The following EPHB2 variants were observed in gnomAD, a reference collection of about 807,000 sequenced individuals.
EPHB2 encodes the protein ephrin type-B receptor 2.
EPHB2 carries 18 observed loss-of-function variants against 96.4 expected under a neutral mutation model. That is an observed-to-expected ratio of 0.19 (90% CI 0.13 to 0.28). EPHB2 has a LOEUF of 0.28. Ranked by LOEUF, EPHB2 falls within the 10% of genes least tolerant of loss-of-function variation. The pLI is 1.00. For missense variants in EPHB2, 989 were observed against 1,355.4 expected, an observed-to-expected ratio of 0.73 and a Z score of 4.25; for synonymous variants, 506 against 534.1, an observed-to-expected ratio of 0.95 and a Z score of 0.72.
In EPHB2 at chr1:22,909,113, T is replaced by G; in HGVS notation, c.2444T>G (p.Val815Gly). Reference protein sequence around the residue: ...SASDVWSYGIVMWEVMSYGER... With the variant: ...SASDVWSYGIGMWEVMSYGER... ...AGTGATGTGTGGAGCTACGGCATTG[T>G]CATGTGGGAGGTGATGTCCTATGGG... The change falls in exon 13 of 16, where the codon GTC becomes GGC. Residue 815 changes from valine (V) to glycine (G), a missense_variant. Val to Gly is a moderately radical substitution (Grantham distance 109). Coordinates refer to ENST00000374630, the MANE Select transcript of EPHB2 (RefSeq NM_017449.5). The G allele has an allele frequency of 6.2e-7, 1 of 1,614,172 alleles. No homozygotes were observed. Among genetic ancestry groups the G allele is most frequent in the Non-Finnish European group, 8.5e-7 (1 of 1,180,028 alleles).
chr1:22,918,072 C>T lies in EPHB2; in HGVS notation c.*4502C>T, dbSNP rs1292272190. 1 of 152,246 alleles carries T rather than the reference C, an allele frequency of 6.6e-6. No individual in the cohort carries two copies. The allele number at this position is 152,246 out of a possible 1,614,324, so 9.4% of individuals were successfully genotyped here. On this transcript the variant is annotated 3_prime_UTR_variant, in exon 16 of 16. Transcript: ENST00000374630. The surrounding 1 kb of genome is among the most constrained non-coding windows in gnomAD (Gnocchi z 4.2). ...AGCAGGTTCTTGAGCAGGAGGGTAG[C>T]ATAGTGAGCATCAGGTTCTAGGAAG...
intron 5 of EPHB2, among the ~76,000 whole-genome samples, chr1:22,881,910 T>TA (rs1265567174): frequency 6.6e-6 from 1 of 152,208 alleles, no homozygotes; most frequent in Non-Finnish European, 1.5e-5. Context: ...AAGGTATTTC[T>TA]AAGCATCCTT....
At chr1:22,851,338 C>T (rs1323589845) in intron 3 of EPHB2, among the ~76,000 whole-genome samples, 3 of 152,134 alleles carry the variant, frequency 2.0e-5, no homozygotes, top group Admixed American at 2.0e-4. Flanking sequence ...CTGTTGGAGG[C>T]CTTTGGGCGA....
chr1:22,866,110 A>C (rs933053639), intron 5 of EPHB2, among the ~76,000 whole-genome samples: 25 of 151,818 alleles, frequency 1.6e-4, no homozygotes, highest in African/African-American at 6.1e-4. Context: ...TCATCCCCCC[A>C]CCTGAGGGCC....
chr1:22,788,628 G>GT (rs1254708442), intron 3 of EPHB2, among the ~76,000 whole-genome samples: 1 of 152,180 alleles, frequency 6.6e-6, no homozygotes, highest in African/African-American at 2.4e-5. Flanking sequence ...CACCTGGTTA[G>GT]TTGGTTAAAG....
chr1:22,766,149 G>T (rs1300563955), intron 1 of EPHB2, among the ~76,000 whole-genome samples: 2 of 152,150 alleles, frequency 1.3e-5, no homozygotes, highest in Non-Finnish European at 2.9e-5. Context: ...AGCTTTGAAG[G>T]GAGGCAGCCG....
At chr1:22,754,311 T>C (rs1644110153) in intron 1 of EPHB2, among the ~76,000 whole-genome samples, 1 of 152,228 alleles carries the variant, frequency 6.6e-6, no homozygotes, top group Non-Finnish European at 1.5e-5. Context: ...GTTCTACAAA[T>C]GACTCACTTT....
At chr1:22,754,091 C>T (rs1203414783) in intron 1 of EPHB2, among the ~76,000 whole-genome samples, 1 of 152,180 alleles carries the variant, frequency 6.6e-6, no homozygotes, top group Admixed American at 6.5e-5. Context: ...GTTCTGTGGG[C>T]TCCTTAGGGG....
intron 3 of EPHB2, among the ~76,000 whole-genome samples, chr1:22,825,229 G>C (rs1380751131): frequency 1.3e-5 from 2 of 152,240 alleles, no homozygotes; most frequent in African/African-American, 4.8e-5. Context: ...CAGTTGGATA[G>C]ATGGTCAGAA....
intron 3 of EPHB2, among the ~76,000 whole-genome samples, chr1:22,856,404 C>T (rs1390783593): frequency 6.6e-6 from 1 of 152,182 alleles, no homozygotes; most frequent in Non-Finnish European, 1.5e-5. Flanking sequence ...GGGCTCTGGG[C>T]GATTGCAGAA....
At chr1:22,778,983 C>CA (rs1217792575) in intron 1 of EPHB2, among the ~76,000 whole-genome samples, 1 of 152,218 alleles carries the variant, frequency 6.6e-6, no homozygotes, top group Non-Finnish European at 1.5e-5. Context: ...ATGGGGCCAC[C>CA]TGCTTGGCAG....
chr1:22,822,866 G>A (rs761762100), intron 3 of EPHB2, among the ~76,000 whole-genome samples: 6 of 152,200 alleles, frequency 3.9e-5, no homozygotes, highest in East Asian at 3.8e-4. Flanking sequence ...TAGAGGACCC[G>A]TCCCACAGAG....
chr1:22,738,268 G>T (rs1432931030), intron 1 of EPHB2, among the ~76,000 whole-genome samples: 2 of 152,014 alleles, frequency 1.3e-5, no homozygotes, highest in Non-Finnish European at 2.9e-5. Context: ...TGTATTCCTG[G>T]CTCTGTGCTT....
chr1:22,863,237 G>A, intron 4 of EPHB2, 45 bp downstream of exon 4: 1 of 1,613,414 alleles, frequency 6.2e-7, no homozygotes. Context: ...CCGAGTCCCA[G>A]GTCTACCTGC....
chr1:22,820,296 G>C (rs529078214), intron 3 of EPHB2, among the ~76,000 whole-genome samples: 1 of 152,188 alleles, frequency 6.6e-6, no homozygotes, highest in South Asian at 2.1e-4. Flanking sequence ...AGAGCAACAG[G>C]AGTGACAGCT....
At chr1:22,814,888 T>C (rs954783692) in intron 3 of EPHB2, among the ~76,000 whole-genome samples, 2 of 152,212 alleles carry the variant, frequency 1.3e-5, no homozygotes, top group Admixed American at 6.5e-5. Context: ...CTGGGGTACA[T>C]TTGCGCCTTT....
rs891881735 is a variant in EPHB2 at position 22,895,695 on chromosome 1, G to T, written c.1700+115G>T. On this transcript the variant is annotated intron_variant, in intron 8 of 15. Transcript: ENST00000374630. Reference sequence around the variant, plus strand: ...CCGAGGAGGCATTCTCACAATTGCAGGGAGAGATGTGGGTAGGAAGTGGAA... The same window carrying T: ...CCGAGGAGGCATTCTCACAATTGCATGGAGAGATGTGGGTAGGAAGTGGAA... The T allele has an allele frequency of 8.0e-6, 8 of 994,344 alleles. No homozygotes were observed. In the African/African-American group the frequency reaches 1.1e-4, roughly 14 times the overall value. The allele number at this position is 994,344 out of a possible 1,614,324, so 61.6% of individuals were successfully genotyped here.
intron 3 of EPHB2, among the ~76,000 whole-genome samples, chr1:22,827,103 AAGG>A (rs1645235195): frequency 6.6e-6 from 1 of 152,166 alleles, no homozygotes; most frequent in Non-Finnish European, 1.5e-5. Flanking sequence ...ATTTCTATGA[AAGG>A]AGAAGAACCC....
At chr1:22,816,156 A>G (rs752247313) in intron 3 of EPHB2, among the ~76,000 whole-genome samples, 7 of 152,118 alleles carry the variant, frequency 4.6e-5, no homozygotes, top group Non-Finnish European at 1.0e-4. Context: ...GAACATCCCC[A>G]TCCAGAACTA....
Sources: allele counts gnomAD v4.1 joint callset (sites outside exome capture counted in the v4.1 genomes callset), GRCh38; gene constraint gnomAD v4.1.1; non-coding constraint Gnocchi (gnomAD v3.1); transcripts MANE v1.5; gene names NCBI Gene and HGNC (gene_info 2026-07-23, HGNC 2026-07-21).